TTC29: variants seen among roughly 807,000 people sequenced by gnomAD.
TTC29 encodes tetratricopeptide repeat domain 29, also known as tetratricopeptide repeat protein 29.
TTC29 carries 49 observed loss-of-function variants against 58.1 expected under a neutral mutation model. That is an observed-to-expected ratio of 0.84 (90% CI 0.67 to 1.07). TTC29 has a LOEUF of 1.07. Among genes scored for constraint, TTC29 ranks in the 50% least tolerant of loss-of-function variants. The pLI, the probability that TTC29 is intolerant of heterozygous loss-of-function variation, is 0.00. For missense variants in TTC29, 582 were observed against 555.6 expected, an observed-to-expected ratio of 1.05 and a Z score of -0.48; for synonymous variants, 209 against 196.8, an observed-to-expected ratio of 1.06 and a Z score of -0.52.
At chr4:146,885,200 G>C (rs114557467) in intron 6 of TTC29, among the ~76,000 whole-genome samples, 1 of 151,710 alleles carries the variant, frequency 6.6e-6, no homozygotes, top group African/African-American at 2.4e-5. Context: ...CCCTATAACT[G>C]ACCCAAAATA....
chr4:146,927,080 C>CAA (rs55786171), intron 4 of TTC29, among the ~76,000 whole-genome samples: 12,299 of 109,924 alleles, frequency 0.11, 861 homozygotes, highest in East Asian at 0.21. Flanking sequence ...GACCCCATCT[C>CAA]AAAAAAAAAA....
At chr4:146,764,069 G>C (rs1302452797) in intron 11 of TTC29, 1 of 152,002 alleles carries the variant, frequency 6.6e-6, no homozygotes, top group Non-Finnish European at 1.5e-5. Flanking sequence ...CAACATGGAG[G>C]ATATACCCCA....
chr4:146,843,404 T>A (rs1728973038), intron 8 of TTC29, among the ~76,000 whole-genome samples: 1 of 152,180 alleles, frequency 6.6e-6, no homozygotes, highest in African/African-American at 2.4e-5. Context: ...ATTATTAATA[T>A]TGATCATTTG....
intron 6 of TTC29, 102 bp downstream of exon 6, chr4:146,903,442 G>A: frequency 9.3e-7 from 1 of 1,073,374 alleles, no homozygotes; most frequent in East Asian, 2.7e-5. Context: ...TGATTATGCT[G>A]AAATCTCAGG....
At chr4:146,795,142 T>A (rs1749749034) in intron 11 of TTC29, among the ~76,000 whole-genome samples, 1 of 152,152 alleles carries the variant, frequency 6.6e-6, no homozygotes, top group African/African-American at 2.4e-5. Context: ...GTGAGTATAA[T>A]GTAGTGTGAA....
chr4:146,707,329 A>C (rs1742033360), intron 12 of TTC29, 141 bp from the exon 13 acceptor site: 1 of 784,250 alleles, frequency 1.3e-6, no homozygotes, highest in Non-Finnish European at 2.0e-6. Flanking sequence ...TGACATTTGA[A>C]AATAAATCTG....
chr4:146,831,275 A>T (rs894783222), intron 9 of TTC29, among the ~76,000 whole-genome samples: 3 of 151,792 alleles, frequency 2.0e-5, no homozygotes, highest in African/African-American at 4.8e-5. Context: ...TTAATTAATT[A>T]AAAAAAATAG....
intron 11 of TTC29, among the ~76,000 whole-genome samples, chr4:146,769,086 C>A (rs74499886): frequency 0.031 from 4,722 of 151,980 alleles, 240 homozygotes; most frequent in African/African-American, 0.11. Flanking sequence ...TAACTTTCAG[C>A]GACAAAATGG....
At chr4:146,770,452 A>G (rs1747648996) in intron 11 of TTC29, among the ~76,000 whole-genome samples, 1 of 151,454 alleles carries the variant, frequency 6.6e-6, no homozygotes, top group Non-Finnish European at 1.5e-5. Context: ...TAACTCTTTC[A>G]TATTTGAGAA....
chr4:146,905,412 G>A (rs1459499959), intron 5 of TTC29, among the ~76,000 whole-genome samples: 1 of 148,320 alleles, frequency 6.7e-6, no homozygotes, highest in African/African-American at 2.5e-5. Flanking sequence ...AAAAATATTT[G>A]CAACATTTCA....
intron 11 of TTC29, among the ~76,000 whole-genome samples, chr4:146,720,883 A>G (rs1033300251): frequency 6.6e-6 from 1 of 152,128 alleles, no homozygotes; most frequent in Non-Finnish European, 1.5e-5. Context: ...ATCTCTATTC[A>G]TTTGTCACAC....
intron 11 of TTC29, among the ~76,000 whole-genome samples, chr4:146,737,680 C>G (rs1744824982): frequency 6.6e-6 from 1 of 151,432 alleles, no homozygotes; most frequent in Non-Finnish European, 1.5e-5. Context: ...CACAAATGCT[C>G]AGGGTGCCAT....
chr4:146,726,523 T>TA (rs1353636924), intron 11 of TTC29, among the ~76,000 whole-genome samples: 2 of 152,150 alleles, frequency 1.3e-5, no homozygotes, highest in Non-Finnish European at 2.9e-5. Context: ...CAGATTGGCC[T>TA]GTTTTCTTTT....
In TTC29 at chr4:146,833,797, C is replaced by T. The variant is rs1021521802; in HGVS notation, c.977+9G>A. ...ACAGTGACAGCAAGATGAGAATGTG[C>T]TAACTTACCTCTGCAGGACCTTGGC... On this transcript the variant is annotated intron_variant, in intron 9 of 12. Coordinates refer to ENST00000325106, the MANE Select transcript of TTC29 (RefSeq NM_031956.4). 2.5e-6 allele frequency: 4 copies of T among 1,608,696 alleles called. No homozygotes were observed. Among genetic ancestry groups the T allele is most frequent in the Admixed American group, 1.7e-5 (1 of 59,956 alleles).
intron 11 of TTC29, among the ~76,000 whole-genome samples, chr4:146,761,302 G>A (rs1345628461): frequency 5.9e-5 from 9 of 151,846 alleles, no homozygotes; most frequent in African/African-American, 2.2e-4. Flanking sequence ...AGGCAGCTAC[G>A]TAGGTCTTTT....
intron 7 of TTC29, among the ~76,000 whole-genome samples, chr4:146,869,109 A>C (rs545780153): frequency 8.8e-5 from 13 of 147,148 alleles, no homozygotes; most frequent in South Asian, 2.2e-4. Context: ...AAAAAAAAAA[A>C]AAAAAAAAAA....
At position 146,810,923 on chromosome 4, in the gene TTC29, T is replaced by C. The variant is rs1017357747; in HGVS notation, c.1102-7238A>G. ...CATTTCAGCCAAGTCATTTAGTTAA[T>C]GGATGGTGAAAATAAATGTATCTAT... On this transcript the variant is annotated intron_variant, in intron 10 of 12. Transcript: ENST00000325106. Among the ~76,000 whole-genome samples, 16 of 152,168 alleles carry C rather than the reference T, an allele frequency of 1.1e-4. 1 individual carries two copies. The highest frequency in any genetic ancestry group is 9.2e-4 in the Admixed American group (14 of 15,264).
At chr4:146,877,448 C>G (rs1256780637) in intron 6 of TTC29, among the ~76,000 whole-genome samples, 2 of 152,094 alleles carry the variant, frequency 1.3e-5, no homozygotes, top group Non-Finnish European at 2.9e-5. Context: ...TCTATCTTTA[C>G]TTTTAGCTGA....
chr4:146,775,323 T>C, intron 11 of TTC29, among the ~76,000 whole-genome samples: 1 of 152,194 alleles, frequency 6.6e-6, no homozygotes, highest in East Asian at 1.9e-4. Flanking sequence ...GACTTGATTG[T>C]GTGATTGCTT....
Sources: gnomAD v4.1 joint callset for allele counts (sites outside exome capture counted in the v4.1 genomes callset) on GRCh38, gnomAD v4.1.1 for gene constraint, MANE v1.5 for transcripts, NCBI Gene and HGNC (gene_info 2026-07-23, HGNC 2026-07-21) for gene names.